The following SALL1 variants were observed in gnomAD, a reference collection of about 807,000 sequenced individuals.
SALL1 encodes the protein sal-like protein 1.
SALL1 carries 10 observed loss-of-function variants against 73.1 expected under a neutral mutation model. That is an observed-to-expected ratio of 0.14 (90% confidence interval 0.08 to 0.23). SALL1 has a LOEUF of 0.23. SALL1 is among the 10% of genes least tolerant of loss of function. The pLI is 1.00. For missense variants in SALL1, 1,520 were observed against 1,697.3 expected, an observed-to-expected ratio of 0.90 and a Z score of 1.84; for synonymous variants, 688 against 689.8, an observed-to-expected ratio of 1.00 and a Z score of 0.04.
rs771370149 is a variant in SALL1 at position 51,140,549 on chromosome 16, G to C, written c.1673C>G (p.Pro558Arg). The C allele has an allele frequency of 1.2e-6, 2 of 1,613,948 alleles. No homozygotes were observed. Among genetic ancestry groups the C allele is most frequent in the Non-Finnish European group, 1.7e-6 (2 of 1,179,894 alleles). ...LPTLTTSVGLPLPPTLPSLIP... is the reference protein window; with the variant it reads ...LPTLTTSVGLRLPPTLPSLIP... ...GAGGCTTGGGAGGGTTGGGGGCAAC[G>C]GCAGGCCGACTGAAGTGGTCAGAGT... The change falls in exon 2 of 3, where the codon CCG (proline) becomes CGG (arginine). Residue 558 changes from proline (P) to arginine (R), a missense_variant. This residue lies in a region of SALL1 where 276 missense variants were observed against 259.1 expected (regional missense o/e 1.07). Transcript: ENST00000251020. The surrounding 1 kb of genome is among the most constrained non-coding windows in gnomAD (Gnocchi z 5.7).
At chr16:51,146,272 G>A (rs1023851891) in intron 1 of SALL1, among the ~76,000 whole-genome samples, 1 of 152,038 alleles carries the variant, frequency 6.6e-6, no homozygotes. Context: ...TGGACGAGGC[G>A]TTGCTTTTAA....
In SALL1 at chr16:51,136,988, T is replaced by C. The variant is rs770198163; in HGVS notation, c.*124A>G. 1 of 773,294 alleles carries C rather than the reference T, an allele frequency of 1.3e-6. No homozygotes were observed. The highest frequency in any genetic ancestry group is 2.2e-6 in the Non-Finnish European group (1 of 453,366). 47.9% of individuals were successfully genotyped at this position (773,294 alleles called of 1,614,324 possible). On this transcript the variant is annotated 3_prime_UTR_variant, in exon 3 of 3. Transcript: ENST00000251020. ...GGTACAAAAGAATGTCTTCATAATG[T>C]TGTAGTTCATAGATCTGGGGAACAG...
In SALL1 at chr16:51,151,202, A is replaced by T; in HGVS notation, c.40T>A (p.Ser14Thr). 1 of 1,602,344 alleles carries T rather than the reference A, an allele frequency of 6.2e-7. No individual in the cohort carries two copies. Reference protein sequence around the residue: ...RKQAKPQHFQSDPEVASLPRR... With the variant: ...RKQAKPQHFQTDPEVASLPRR... ...GGGAGCGAGGCCACTTCGGGGTCGGATTGGAAATGTTGAGGCTTCGCTTGC... is the reference window on the plus strand; with the variant it reads ...GGGAGCGAGGCCACTTCGGGGTCGGTTTGGAAATGTTGAGGCTTCGCTTGC... The change falls in exon 1 of 3, where the codon TCC becomes ACC. Residue 14 changes from serine (S) to threonine (T), a missense_variant. Physicochemically the swap from Ser to Thr is moderately conservative, Grantham distance 58. This residue lies in a region of SALL1 where 540 missense variants were observed against 567.5 expected (regional missense o/e 0.95). Coordinates refer to ENST00000251020, the MANE Select transcript of SALL1 (RefSeq NM_002968.3).
intron 1 of SALL1, among the ~76,000 whole-genome samples, chr16:51,142,727 C>T (rs1962463016): frequency 1.3e-5 from 2 of 152,156 alleles, no homozygotes; most frequent in East Asian, 1.9e-4. Context: ...CCCTGACAAA[C>T]GCACTTTAGT....
chr16:51,145,979 CTTTTTTTTTTTTTTCTTTTTCT>C (rs1962511659), intron 1 of SALL1, among the ~76,000 whole-genome samples: 1 of 128,904 alleles, frequency 7.8e-6, no homozygotes, highest in East Asian at 2.2e-4. Flanking sequence ...ATTGATTGGT[CTTTTTTTTTTTTTTCTTTTTCT>C]TTTTTTTTTT....
chr16:51,140,557 G>A lies in SALL1; in HGVS notation c.1665C>T (p.Val555=), dbSNP rs201565524. The change falls in exon 2 of 3, where the codon GTC becomes GTT. Residue 555 remains valine (V), a synonymous_variant. Transcript: ENST00000251020. This position sits in a 1 kb window ranked among gnomAD's most constrained non-coding sequence, Gnocchi z 5.7. Reference sequence around the variant, plus strand: ...GGAGGGTTGGGGGCAACGGCAGGCCGACTGAAGTGGTCAGAGTAGGCAGGA... The same window carrying A: ...GGAGGGTTGGGGGCAACGGCAGGCCAACTGAAGTGGTCAGAGTAGGCAGGA... ...KPVLPTLTTS[V]GLPLPPTLPS... The A allele has an allele frequency of 1.8e-5, 29 of 1,613,940 alleles. No homozygotes were observed. Among genetic ancestry groups the A allele is most frequent in the South Asian group, 3.3e-5 (3 of 91,048 alleles).
chr16:51,141,794 CTGCCGCTGGAAG>C lies in SALL1; in HGVS notation c.416_427del (p.Thr139_Gly142del). ...GCTGCTTGGGGCGGTACTGCTGTGG[CTGCCGCTGGAAG>C]TGCCGCTGCCGCTTTTGTTAGCAAC... On this transcript the variant is annotated inframe_deletion, in exon 2 of 3. Coordinates refer to ENST00000251020, the MANE Select transcript of SALL1 (RefSeq NM_002968.3). The surrounding 1 kb of genome is among the most constrained non-coding windows in gnomAD (Gnocchi z 5.4). 1 of 1,613,454 alleles carries C rather than the reference CTGCCGCTGGAAG, an allele frequency of 6.2e-7. No homozygotes were observed. The highest frequency in any genetic ancestry group is 8.5e-7 in the Non-Finnish European group (1 of 1,179,864).
Position 51,140,970 on chromosome 16 carries a change from A to C in SALL1, c.1252T>G (p.Ser418Ala). ...CTTTGCTGGGCCAAGGCAGACAAGGAGTTTAAATCCTCTGCAGTTGTTCCG... is the reference window on the plus strand; with the variant it reads ...CTTTGCTGGGCCAAGGCAGACAAGGCGTTTAAATCCTCTGCAGTTGTTCCG... ...NIGTTAEDLN[S>A]LSALAQQRKS... The change falls in exon 2 of 3, where the codon TCC (serine) becomes GCC (alanine). Residue 418 changes from serine to alanine, a missense_variant. By Grantham distance (99) the Ser-to-Ala change is moderately conservative (BLOSUM62 1). Coordinates refer to ENST00000251020, the MANE Select transcript of SALL1 (RefSeq NM_002968.3). The surrounding 1 kb of genome is among the most constrained non-coding windows in gnomAD (Gnocchi z 5.7). 6.2e-7 allele frequency: 1 copy of C among 1,614,188 alleles called. No homozygotes were observed. The highest frequency in any genetic ancestry group is 8.5e-7 in the Non-Finnish European group (1 of 1,180,046).
chr16:51,139,238 C>T lies in SALL1; in HGVS notation c.2984G>A (p.Arg995Gln), dbSNP rs777221885. 3.8e-5 allele frequency: 61 copies of T among 1,614,058 alleles called. No individual in the cohort carries two copies. Among genetic ancestry groups the T allele is most frequent in the African/African-American group, 1.2e-4 (9 of 74,920 alleles). ...SLGILFPFRD[R>Q]GKFKNTACDI... Reference sequence around the variant, plus strand: ...ACAAGCAGTGTTTTTAAATTTACCCCGGTCTCTAAAAGGGAAGAGGATCCC... The same window carrying T: ...ACAAGCAGTGTTTTTAAATTTACCCTGGTCTCTAAAAGGGAAGAGGATCCC... The change falls in exon 2 of 3, where the codon CGG (arginine) becomes CAG (glutamine). Residue 995 changes from arginine to glutamine, a missense_variant. Arg to Gln is a conservative substitution (Grantham distance 43, BLOSUM62 1). This residue lies in a region of SALL1 where 266 missense variants were observed against 275.1 expected (regional missense o/e 0.97). Transcript: ENST00000251020.
chr16:51,150,587 A>G lies in SALL1; in HGVS notation c.76+579T>C, dbSNP rs1567319244. ...CAGTCCCCATCTTCTTGCAGCTCTG[A>G]ACCTCCAAAGACACCCGGTTCTGCC... On this transcript the variant is annotated intron_variant, in intron 1 of 2. Coordinates refer to ENST00000251020, the MANE Select transcript of SALL1 (RefSeq NM_002968.3). 4 of 985,968 alleles carry G rather than the reference A, an allele frequency of 4.1e-6. No homozygotes were observed. The South Asian group carries it at 1.9e-4, about 46-fold the overall frequency. The allele number at this position is 985,968 out of a possible 1,614,324, so 61.1% of individuals were successfully genotyped here.
chr16:51,147,111 G>C (rs1962528581), intron 1 of SALL1, among the ~76,000 whole-genome samples: 1 of 152,184 alleles, frequency 6.6e-6, no homozygotes, highest in African/African-American at 2.4e-5. Context: ...AAGACAACTT[G>C]CTACCTCCAA....
intron 1 of SALL1, among the ~76,000 whole-genome samples, chr16:51,142,837 A>G (rs1962464260): frequency 6.6e-6 from 1 of 152,328 alleles, no homozygotes. Context: ...ATCCTAATCC[A>G]TTACAAGGCT....
In SALL1 at chr16:51,136,359, C is replaced by G. The variant is rs1450209422; in HGVS notation, c.*753G>C. 1 of 152,656 alleles carries G rather than the reference C, an allele frequency of 6.6e-6. No individual in the cohort carries two copies. Among genetic ancestry groups the G allele is most frequent in the African/African-American group, 2.4e-5 (1 of 41,454 alleles). The allele number at this position is 152,656 out of a possible 1,614,324, so 9.5% of individuals were successfully genotyped here. A position where few individuals can be genotyped will look rare whatever the true frequency, so the allele number is the denominator to read the frequency against. On this transcript the variant is annotated 3_prime_UTR_variant, in exon 3 of 3. Transcript: ENST00000251020. The stretch of plus-strand genomic sequence containing the variant: ...TTCTATCGTGAATATACCTACAAGG[C>G]AAAATGTTACGTCTCAGTTTCAACT...
chr16:51,138,014 T>C (rs891257533), intron 2 of SALL1, among the ~76,000 whole-genome samples: 22 of 152,318 alleles, frequency 1.4e-4, no homozygotes, highest in Middle Eastern at 3.4e-3. Flanking sequence ...AGGGCCTGCG[T>C]ATGGAGAGAA....
At chr16:51,145,945 C>CT (rs551759311) in intron 1 of SALL1, among the ~76,000 whole-genome samples, 10 of 147,614 alleles carry the variant, frequency 6.8e-5, no homozygotes, top group South Asian at 6.4e-4. Context: ...CAGCCTGTTC[C>CT]TTTTTTTATC....
chr16:51,151,176 G>C lies in SALL1; in HGVS notation c.66C>G (p.Pro22=), dbSNP rs771082278. ...FQSDPEVASL[P]RRDGDTEKGQ... ...GGCCGGAGCACTCACCATCTCGCCG[G>C]GGGAGCGAGGCCACTTCGGGGTCGG... The change falls in exon 1 of 3, where the codon CCC becomes CCG. Residue 22 remains proline, a synonymous_variant. Coordinates refer to ENST00000251020, the MANE Select transcript of SALL1 (RefSeq NM_002968.3). The C allele has an allele frequency of 1.3e-6, 2 of 1,597,872 alleles. No individual in the cohort carries two copies.
chr16:51,141,779 G>T lies in SALL1; in HGVS notation c.443C>A (p.Ala148Asp). Reference sequence around the variant, plus strand: ...GCTGCTGCTGCTGCTGCTGCTTGGGGCGGTACTGCTGTGGCTGCCGCTGGA... The same window carrying T: ...GCTGCTGCTGCTGCTGCTGCTTGGGTCGGTACTGCTGTGGCTGCCGCTGGA... ...GTSSGSHSSTAPSSSSSSSSS... is the reference protein window; with the variant it reads ...GTSSGSHSSTDPSSSSSSSSS... The change falls in exon 2 of 3, where the codon GCC (alanine) becomes GAC (aspartate). Residue 148 changes from alanine (A) to aspartate (D), a missense_variant. This residue lies in a region of SALL1 where 540 missense variants were observed against 567.5 expected (regional missense o/e 0.95). Transcript: ENST00000251020. This position sits in a 1 kb window ranked among gnomAD's most constrained non-coding sequence, Gnocchi z 5.4. The T allele has an allele frequency of 1.2e-6, 2 of 1,610,516 alleles. No homozygotes were observed. Among genetic ancestry groups the T allele is most frequent in the Non-Finnish European group, 1.7e-6 (2 of 1,179,224 alleles).
chr16:51,146,821 G>T (rs538277584), intron 1 of SALL1, among the ~76,000 whole-genome samples: 7 of 151,982 alleles, frequency 4.6e-5, no homozygotes, highest in Non-Finnish European at 4.4e-5. Context: ...TTCTTTTTTG[G>T]GGGGAGGGGT....
At position 51,141,087 on chromosome 16, in the gene SALL1, C is replaced by A. The variant is rs1262719912; in HGVS notation, c.1135G>T (p.Ala379Ser). The A allele has an allele frequency of 5.6e-6, 9 of 1,614,216 alleles. No individual in the cohort carries two copies. The East Asian group carries it at 2.0e-4, about 36-fold the overall frequency. Residue 379 changes from alanine to serine, a missense_variant, in exon 2 of 3, where the codon GCA (alanine) becomes TCA (serine). Transcript: ENST00000251020. The surrounding 1 kb of genome is among the most constrained non-coding windows in gnomAD (Gnocchi z 5.4). ...GCAGGACTTAATAAACTGCTTATTG[C>A]AAAAGCTGGTGAGGACGATGATGAG... ...AVSSSSSPAF[A>S]ISSLLSPASN...
Sources: gnomAD v4.1 joint callset for allele counts (sites outside exome capture counted in the v4.1 genomes callset) on GRCh38, gnomAD v4.1.1 for gene constraint, gnomAD v4.1.1 regional missense constraint, Gnocchi (gnomAD v3.1) non-coding constraint, MANE v1.5 for transcripts, NCBI Gene and HGNC (gene_info 2026-07-23, HGNC 2026-07-21) for gene names.